Variants in PPA2 observed in about 807,000 individuals in gnomAD.
The protein encoded by PPA2 is inorganic pyrophosphatase 2, mitochondrial.
In PPA2, 48 loss-of-function variants were observed where a neutral mutation model predicts 49.5. That is an observed-to-expected ratio of 0.97 (90% CI 0.77 to 1.23). The LOEUF is 1.23. Ranked by LOEUF, PPA2 falls within the 50% of genes most tolerant of loss-of-function variation. The pLI is 0.00. For synonymous variants in PPA2, 131 were observed against 139.9 expected (o/e 0.94, Z 0.45); for missense variants, 429 against 410.1 (o/e 1.05, Z -0.40).
chr4:105,373,241 T>C (rs1221208732), intron 10 of PPA2, among the ~76,000 whole-genome samples: 9 of 152,192 alleles, frequency 5.9e-5, no homozygotes, highest in Non-Finnish European at 5.9e-5. Flanking sequence ...TAACCATCGT[T>C]GGTTTTGAGG....
At chr4:105,395,668 AC>A (rs1734110671) in intron 9 of PPA2, among the ~76,000 whole-genome samples, 1 of 152,086 alleles carries the variant, frequency 6.6e-6, no homozygotes, top group Non-Finnish European at 1.5e-5. Flanking sequence ...TTTTAAAAGA[AC>A]CCTAAAAATC....
chr4:105,378,473 T>C (rs777304668), intron 10 of PPA2, among the ~76,000 whole-genome samples: 4 of 152,178 alleles, frequency 2.6e-5, no homozygotes, highest in South Asian at 2.1e-4. Context: ...AAGTTCTTTA[T>C]ATATTCTGAA....
intron 3 of PPA2, 112 bp from the exon 4 acceptor site, chr4:105,449,515 T>G: frequency 1.6e-6 from 1 of 614,302 alleles, no homozygotes; most frequent in Non-Finnish European, 2.8e-6. Context: ...AAAAAAATGT[T>G]GAGTCTCCAT....
chr4:105,413,730 CA>C (rs1722869667), intron 7 of PPA2, among the ~76,000 whole-genome samples: 1 of 151,806 alleles, frequency 6.6e-6, no homozygotes, highest in East Asian at 1.9e-4. Context: ...TATACACAGA[CA>C]AAATAAATTC....
At chr4:105,471,290 C>G (rs1413951694) in intron 1 of PPA2, among the ~76,000 whole-genome samples, 6 of 152,174 alleles carry the variant, frequency 3.9e-5, no homozygotes, top group Admixed American at 1.3e-4. Context: ...CCAAGGAGGC[C>G]TGATGATTCC....
chr4:105,449,877 T>C (rs1722594231), intron 3 of PPA2, among the ~76,000 whole-genome samples: 1 of 152,282 alleles, frequency 6.6e-6, no homozygotes, highest in South Asian at 2.1e-4. Context: ...TATTTTAAAA[T>C]GATAAAATAA....
chr4:105,376,506 C>T (rs1245292322), intron 10 of PPA2, among the ~76,000 whole-genome samples: 1 of 152,052 alleles, frequency 6.6e-6, no homozygotes, highest in Non-Finnish European at 1.5e-5. Flanking sequence ...CAGGTTTATC[C>T]GAGACTAGTT....
intron 6 of PPA2, among the ~76,000 whole-genome samples, chr4:105,432,811 C>T (rs541573180): frequency 1.2e-4 from 18 of 152,204 alleles, no homozygotes; most frequent in African/African-American, 4.3e-4. Flanking sequence ...CCCAGGGAAG[C>T]CAAAAGATTG....
In PPA2 at chr4:105,403,093, G is replaced by T. The variant is rs145403580; in HGVS notation, c.656-3929C>A. Among the ~76,000 whole-genome samples, 225 of 151,544 alleles carry T rather than the reference G, an allele frequency of 1.5e-3. 1 individual carries two copies. The highest frequency in any genetic ancestry group is 7.9e-3 in the South Asian group (38 of 4,798). On this transcript the variant is annotated intron_variant, in intron 7 of 11. Coordinates refer to ENST00000341695, the MANE Select transcript of PPA2 (RefSeq NM_176869.3). ...AGGCTGGAGTACACTGTGCAATCAC[G>T]GCTCACTGCAACCTTGACTTCCAGG...
intron 4 of PPA2, 69 bp from the exon 5 acceptor site, chr4:105,446,571 C>G (rs1722395267): frequency 6.8e-7 from 1 of 1,481,382 alleles, no homozygotes; most frequent in East Asian, 2.5e-5. Context: ...CCAAATAGTA[C>G]TTTTAAAAAT....
intron 6 of PPA2, among the ~76,000 whole-genome samples, chr4:105,428,757 A>G (rs1428772119): frequency 6.6e-6 from 1 of 152,202 alleles, no homozygotes; most frequent in African/African-American, 2.4e-5. Context: ...ACCATGGCAC[A>G]TATATACCTA....
chr4:105,384,800 A>G (rs28659977), intron 10 of PPA2, among the ~76,000 whole-genome samples: 24 of 152,236 alleles, frequency 1.6e-4, no homozygotes, highest in African/African-American at 5.3e-4. Context: ...TGTTAAAATC[A>G]AAGTCAGATT....
At chr4:105,443,489 A>G (rs1724460795) in intron 5 of PPA2, among the ~76,000 whole-genome samples, 1 of 151,504 alleles carries the variant, frequency 6.6e-6, no homozygotes, top group African/African-American at 2.4e-5. Flanking sequence ...TCCATAAGCT[A>G]TCCCATAAGC....
At chr4:105,446,166 T>C (rs1328697117) in intron 5 of PPA2, 10 of 392,462 alleles carry the variant, frequency 2.5e-5, no homozygotes, top group Non-Finnish European at 4.4e-6. Context: ...GAACATTCCA[T>C]ATGCCTGACT....
chr4:105,464,408 G>C (rs927531394), intron 1 of PPA2, among the ~76,000 whole-genome samples: 3 of 152,180 alleles, frequency 2.0e-5, no homozygotes, highest in Non-Finnish European at 4.4e-5. Context: ...ATAGGTAGAA[G>C]GGACTTGCCT....
chr4:105,467,234 A>G (rs1723341823), intron 1 of PPA2, among the ~76,000 whole-genome samples: 2 of 152,222 alleles, frequency 1.3e-5, no homozygotes, highest in Admixed American at 6.5e-5. Flanking sequence ...GTCAGGGAAG[A>G]TCTCTCTGGT....
chr4:105,471,568 A>T (rs1161736179), intron 1 of PPA2, among the ~76,000 whole-genome samples: 1 of 151,918 alleles, frequency 6.6e-6, no homozygotes, highest in Non-Finnish European at 1.5e-5. Context: ...CTACACTCAT[A>T]TTTTTTTTGA....
chr4:105,449,812 CAT>C (rs1398240355), intron 3 of PPA2, among the ~76,000 whole-genome samples: 1 of 152,160 alleles, frequency 6.6e-6, no homozygotes, highest in Non-Finnish European at 1.5e-5. Flanking sequence ...CCACTCACCA[CAT>C]GAGGTTGTTA....
At chr4:105,424,420 A>G (rs1723396680) in intron 6 of PPA2, 98 bp from the exon 7 acceptor site, 1 of 1,072,146 alleles carries the variant, frequency 9.3e-7, no homozygotes, top group African/African-American at 1.7e-5. Flanking sequence ...TACAGACTGA[A>G]ATGTAACAAA....
Sources: gnomAD v4.1 joint callset for allele counts (sites outside exome capture counted in the v4.1 genomes callset) on GRCh38, gnomAD v4.1.1 for gene constraint, MANE v1.5 for transcripts, NCBI Gene and HGNC (gene_info 2026-07-23, HGNC 2026-07-21) for gene names.